Variants in SLCO1C1 observed in about 807,000 individuals in gnomAD.
The protein encoded by SLCO1C1 is solute carrier organic anion transporter family member 1C1.
A neutral mutation model predicts 76.4 loss-of-function variants in SLCO1C1; 70 were observed. The observed-to-expected ratio is 0.92, with a 90% confidence interval of 0.76 to 1.12. SLCO1C1 has a LOEUF of 1.12. Ranked by LOEUF, SLCO1C1 falls within the 50% of genes most tolerant of loss-of-function variation. SLCO1C1 has a pLI of 0.00. For synonymous variants in SLCO1C1, 306 were observed against 286.1 expected, an observed-to-expected ratio of 1.07 and a Z score of -0.70; for missense variants, 912 against 823.8, an observed-to-expected ratio of 1.11 and a Z score of -1.31.
intron 3 of SLCO1C1, among the ~76,000 whole-genome samples, chr12:20,704,431 TA>T (rs1427579160): frequency 1.3e-5 from 2 of 151,804 alleles, no homozygotes; most frequent in Non-Finnish European, 3.0e-5. Flanking sequence ...TTGGTTCGTT[TA>T]TTGTGGTACA....
chr12:20,722,881 G>A (rs1947749642), intron 8 of SLCO1C1, among the ~76,000 whole-genome samples: 1 of 152,150 alleles, frequency 6.6e-6, no homozygotes, highest in African/African-American at 2.4e-5. Context: ...AGAAATGAGT[G>A]CCTATGTCTG....
At position 20,732,617 on chromosome 12, in the gene SLCO1C1, C is replaced by A. The variant is rs935450112; in HGVS notation, c.1187-292C>A. Among the ~76,000 whole-genome samples, 3 of 152,046 alleles carry A rather than the reference C, an allele frequency of 2.0e-5. No homozygotes were observed. In the South Asian group the frequency reaches 6.2e-4, roughly 32 times the overall value. ...ACATTAATGGGCACCTAATTGCTAC[C>A]TAATTGTACTTGTTAATGCTGGAAT... On this transcript the variant is annotated intron_variant, in intron 9 of 14. Transcript: ENST00000266509.
intron 9 of SLCO1C1, among the ~76,000 whole-genome samples, chr12:20,728,905 C>G (rs576014875): frequency 1.3e-5 from 2 of 152,130 alleles, no homozygotes; most frequent in Non-Finnish European, 2.9e-5. Context: ...AATAAATTAG[C>G]TCTTAAATGT....
At chr12:20,730,156 G>A (rs1249501026) in intron 9 of SLCO1C1, among the ~76,000 whole-genome samples, 4 of 152,240 alleles carry the variant, frequency 2.6e-5, no homozygotes, top group Middle Eastern at 3.4e-3. Context: ...GTTTCAGTTC[G>A]GAGTTTGGTT....
chr12:20,740,953 C>T (rs1162715761), intron 12 of SLCO1C1, among the ~76,000 whole-genome samples: 2 of 151,002 alleles, frequency 1.3e-5, no homozygotes, highest in Admixed American at 1.3e-4. Flanking sequence ...AAGAAATACC[C>T]GAGATGGGGT....
intron 13 of SLCO1C1, 69 bp from the exon 14 acceptor site, chr12:20,750,606 T>G: frequency 7.0e-7 from 1 of 1,418,736 alleles, no homozygotes; most frequent in Non-Finnish European, 9.9e-7. Context: ...GTAAGTGGTT[T>G]CAGATAATCG....
chr12:20,746,092 G>A (rs1035040738), intron 13 of SLCO1C1, among the ~76,000 whole-genome samples: 1 of 151,998 alleles, frequency 6.6e-6, no homozygotes, highest in African/African-American at 2.4e-5. Flanking sequence ...AGATGATTAT[G>A]GGACTTTTTT....
intron 4 of SLCO1C1, 116 bp downstream of exon 4, chr12:20,706,197 T>A: frequency 1.6e-6 from 2 of 1,253,918 alleles, no homozygotes; most frequent in Non-Finnish European, 2.1e-6. Flanking sequence ...TTGTCTTACT[T>A]TTATTACATT....
chr12:20,737,351 G>C, intron 11 of SLCO1C1, 79 bp downstream of exon 11: 1 of 1,408,502 alleles, frequency 7.1e-7, no homozygotes, highest in Non-Finnish European at 9.4e-7. Context: ...GCTCACAGCA[G>C]ACCACTACTA....
At chr12:20,730,957 G>A (rs374131414) in intron 9 of SLCO1C1, among the ~76,000 whole-genome samples, 7 of 152,124 alleles carry the variant, frequency 4.6e-5, no homozygotes, top group East Asian at 1.9e-4. Context: ...GGCAACGCTT[G>A]CATTTGTTTA....
At chr12:20,721,537 A>C (rs562284376) in intron 7 of SLCO1C1, among the ~76,000 whole-genome samples, 1 of 152,300 alleles carries the variant, frequency 6.6e-6, no homozygotes, top group African/African-American at 2.4e-5. Context: ...GTATAGTTAA[A>C]CATAACTTTT....
At position 20,740,361 on chromosome 12, in the gene SLCO1C1, C is replaced by T. The variant is rs761213905; in HGVS notation, c.1726C>T (p.Leu576Phe). The change falls in exon 12 of 15, where the codon CTT becomes TTT. Residue 576 changes from leucine (L) to phenylalanine (F), a missense_variant. Transcript: ENST00000266509. Reference sequence around the variant, plus strand: ...AGGTGGCATACCTGGATACATATTACTTCTGAGGTGAGTACTGATTCTCCC... The same window carrying T: ...AGGTGGCATACCTGGATACATATTATTTCTGAGGTGAGTACTGATTCTCCC... ...SLGGIPGYIL[L>F]LRCIKPQLKS... The T allele has an allele frequency of 6.2e-7, 1 of 1,611,828 alleles. No homozygotes were observed. The highest frequency in any genetic ancestry group is 2.2e-5 in the East Asian group (1 of 44,758).
In SLCO1C1 at chr12:20,717,644, C is replaced by T. The variant is rs868084535; in HGVS notation, c.775+414C>T. ...TAAAGTCTACTGGCAACCAAACAGC[C>T]CTTCTTTTTTTTTTTTTTTTTTTTT... On this transcript the variant is annotated intron_variant, in intron 7 of 14. Transcript: ENST00000266509. 3.8e-5 allele frequency among the ~76,000 whole-genome samples: 4 copies of T among 106,390 alleles called. No individual in the cohort carries two copies. The Admixed American group carries it at 4.0e-4, about 11-fold the overall frequency. The allele number at this position is 106,390 out of a possible 152,430, so 69.8% of individuals were successfully genotyped here. A position where few individuals can be genotyped will look rare whatever the true frequency, so the allele number is the denominator to read the frequency against.
At chr12:20,722,092 T>G (rs1003953061) in intron 8 of SLCO1C1, 43 bp downstream of exon 8, 19 of 1,587,472 alleles carry the variant, frequency 1.2e-5, no homozygotes, top group Non-Finnish European at 1.6e-5. Flanking sequence ...ATTTTTCTGT[T>G]GGGGCTTAAG....
chr12:20,750,835 C>A (rs763967166), intron 14 of SLCO1C1, 43 bp downstream of exon 14: 1 of 1,613,846 alleles, frequency 6.2e-7, no homozygotes, highest in Non-Finnish European at 8.5e-7. Flanking sequence ...GCTACAGCAT[C>A]CCAGATTTAC....
At chr12:20,723,792 C>T (rs1446304756) in intron 9 of SLCO1C1, among the ~76,000 whole-genome samples, 2 of 152,082 alleles carry the variant, frequency 1.3e-5, no homozygotes, top group African/African-American at 4.8e-5. Flanking sequence ...GTGGAAGCAA[C>T]TAGATATTTT....
intron 7 of SLCO1C1, among the ~76,000 whole-genome samples, chr12:20,719,996 G>T (rs1237408073): frequency 2.0e-5 from 3 of 152,184 alleles, no homozygotes; most frequent in Non-Finnish European, 4.4e-5. Flanking sequence ...AAAGGACAGG[G>T]TGACTCTCTT....
At chr12:20,742,329 T>C (rs56767862) in intron 12 of SLCO1C1, among the ~76,000 whole-genome samples, 65,012 of 148,674 alleles carry the variant, frequency 0.44, 16,794 homozygotes, top group South Asian at 0.63. Flanking sequence ...AGAAGAAAAG[T>C]CATGTTTTTT....
At chr12:20,752,171 C>T (rs1949336924) in intron 14 of SLCO1C1, 135 bp from the exon 15 acceptor site, 5 of 562,296 alleles carry the variant, frequency 8.9e-6, no homozygotes. Context: ...GTCAGTATTT[C>T]ATAAAACAGT....
Sources: gnomAD v4.1 joint callset for allele counts (sites outside exome capture counted in the v4.1 genomes callset) on GRCh38, gnomAD v4.1.1 for gene constraint, MANE v1.5 for transcripts, NCBI Gene and HGNC (gene_info 2026-07-23, HGNC 2026-07-21) for gene names.